AFF3: variants seen among roughly 807,000 people sequenced by gnomAD.
AFF3 encodes AF4/FMR2 family member 3.
AFF3 carries 32 observed loss-of-function variants against 129.7 expected under a neutral mutation model. The ratio of observed to expected loss-of-function variants is 0.25; its 90% confidence interval spans 0.19 to 0.33. The LOEUF is 0.33. Among genes scored for constraint, AFF3 ranks in the 10% least tolerant of loss-of-function variants. AFF3 has a pLI of 1.00. For missense variants in AFF3, 1,373 were observed against 1,592.0 expected, an observed-to-expected ratio of 0.86 and a Z score of 2.34; for synonymous variants, 644 against 635.4, an observed-to-expected ratio of 1.01 and a Z score of -0.20.
At chr2:99,828,461 G>A (rs1269437789) in intron 8 of AFF3, among the ~76,000 whole-genome samples, 1 of 152,178 alleles carries the variant, frequency 6.6e-6, no homozygotes, top group African/African-American at 2.4e-5. Context: ...ACTCCAACCT[G>A]TCAGTCCTGG....
chr2:99,866,635 C>A (rs79383331), intron 7 of AFF3, among the ~76,000 whole-genome samples: 1,837 of 152,196 alleles, frequency 0.012, 41 homozygotes, highest in African/African-American at 0.042. Context: ...GAGTCTGGGT[C>A]ACGCTGGGTC....
intron 10 of AFF3, among the ~76,000 whole-genome samples, chr2:99,729,684 T>C (rs191735543): frequency 5.7e-4 from 87 of 152,274 alleles, no homozygotes; most frequent in African/African-American, 2.0e-3. Flanking sequence ...GGGAAAATGA[T>C]GAATGTAATG....
chr2:99,823,241 A>G (rs1247718669), intron 8 of AFF3, among the ~76,000 whole-genome samples: 1 of 152,132 alleles, frequency 6.6e-6, no homozygotes, highest in Non-Finnish European at 1.5e-5. Context: ...ACTATTTTAA[A>G]AGCCTATCCT....
intron 2 of AFF3, among the ~76,000 whole-genome samples, chr2:100,124,666 G>T (rs568396789): frequency 6.6e-6 from 1 of 151,374 alleles, no homozygotes; most frequent in Admixed American, 6.6e-5. Flanking sequence ...AGCAGAAGGG[G>T]GGAGATGGGG....
At chr2:100,064,370 C>T (rs1687552333) in intron 4 of AFF3, among the ~76,000 whole-genome samples, 1 of 152,276 alleles carries the variant, frequency 6.6e-6, no homozygotes, top group South Asian at 2.1e-4. Flanking sequence ...CTAAACCTAC[C>T]TCCTCCCACA....
chr2:99,750,007 G>A (rs953393470), intron 9 of AFF3, among the ~76,000 whole-genome samples: 12 of 152,010 alleles, frequency 7.9e-5, no homozygotes, highest in African/African-American at 2.4e-4. Flanking sequence ...ATCCTACATC[G>A]TAACATCCAC....
At chr2:99,918,947 A>G (rs1320262964) in intron 7 of AFF3, among the ~76,000 whole-genome samples, 1 of 152,140 alleles carries the variant, frequency 6.6e-6, no homozygotes, top group Non-Finnish European at 1.5e-5. Context: ...CCCCACAGAA[A>G]AGTTGATTTT....
At chr2:99,945,699 CT>C (rs1244683688) in intron 7 of AFF3, among the ~76,000 whole-genome samples, 1 of 152,160 alleles carries the variant, frequency 6.6e-6, no homozygotes, top group Admixed American at 6.5e-5. Context: ...TTCTTGTGGA[CT>C]TTATAACCTC....
At chr2:99,646,028 T>G (rs575557974) in intron 13 of AFF3, among the ~76,000 whole-genome samples, 1 of 152,230 alleles carries the variant, frequency 6.6e-6, no homozygotes, top group African/African-American at 2.4e-5. Flanking sequence ...TCTCATCAGG[T>G]CAGATCTCAA....
At chr2:100,054,135 C>T (rs1315417093) in intron 4 of AFF3, among the ~76,000 whole-genome samples, 1 of 152,162 alleles carries the variant, frequency 6.6e-6, no homozygotes, top group East Asian at 1.9e-4. Flanking sequence ...GAACATAGGG[C>T]TGTGGAGTGA....
intron 1 of AFF3, among the ~76,000 whole-genome samples, chr2:100,131,103 G>C (rs1247963632): frequency 1.3e-5 from 2 of 152,128 alleles, no homozygotes. Flanking sequence ...GCTTAAGAAC[G>C]GGGCAGCTTA....
At chr2:99,558,459 A>T (rs1675154870) in intron 22 of AFF3, among the ~76,000 whole-genome samples, 1 of 152,068 alleles carries the variant, frequency 6.6e-6, no homozygotes, top group African/African-American at 2.4e-5. Flanking sequence ...CATCTCTACT[A>T]AAAATACAAA....
intron 8 of AFF3, among the ~76,000 whole-genome samples, chr2:99,806,078 A>T (rs1686329509): frequency 1.3e-5 from 2 of 152,194 alleles, no homozygotes; most frequent in Non-Finnish European, 2.9e-5. Flanking sequence ...AGAGCAGAAC[A>T]GTTATAGTAA....
At chr2:99,856,708 C>T (rs1410892916) in intron 7 of AFF3, among the ~76,000 whole-genome samples, 1 of 152,098 alleles carries the variant, frequency 6.6e-6, no homozygotes, top group Non-Finnish European at 1.5e-5. Context: ...CTAATCCTTT[C>T]TTAAGTGGAT....
intron 7 of AFF3, among the ~76,000 whole-genome samples, chr2:99,912,982 C>T (rs1410119323): frequency 6.6e-6 from 1 of 152,184 alleles, no homozygotes; most frequent in East Asian, 1.9e-4. Flanking sequence ...TGCGCCCCAA[C>T]ACACTGTTCC....
intron 7 of AFF3, among the ~76,000 whole-genome samples, chr2:99,848,179 G>A (rs1689872912): frequency 1.3e-5 from 2 of 151,982 alleles, no homozygotes; most frequent in African/African-American, 4.8e-5. Flanking sequence ...GAACTTGGGA[G>A]GCAGAGGTTA....
intron 7 of AFF3, among the ~76,000 whole-genome samples, chr2:99,994,206 A>G (rs1434762916): frequency 6.6e-6 from 1 of 152,192 alleles, no homozygotes; most frequent in Non-Finnish European, 1.5e-5. Context: ...ATACTGAGAC[A>G]TATTTTGGTT....
At chr2:99,603,302 G>T (rs115087497) in intron 13 of AFF3, among the ~76,000 whole-genome samples, 1 of 152,142 alleles carries the variant, frequency 6.6e-6, no homozygotes, top group Non-Finnish European at 1.5e-5. Context: ...AAAAAAGGAC[G>T]ATTGAATTCT....
At chr2:100,076,658 A>C (rs1460800995) in intron 4 of AFF3, among the ~76,000 whole-genome samples, 1 of 152,114 alleles carries the variant, frequency 6.6e-6, no homozygotes, top group Non-Finnish European at 1.5e-5. Flanking sequence ...TGCCTCCCCA[A>C]CATGTAGTTC....
Sources: gnomAD v4.1 joint callset for allele counts (sites outside exome capture counted in the v4.1 genomes callset) on GRCh38, gnomAD v4.1.1 for gene constraint, MANE v1.5 for transcripts, NCBI Gene and HGNC (gene_info 2026-07-23, HGNC 2026-07-21) for gene names.